The following CCDC27 variants were observed in gnomAD, a reference collection of about 807,000 sequenced individuals.
CCDC27 encodes the protein coiled-coil domain containing 27, also known as coiled-coil domain-containing protein 27.
Under a neutral mutation model 80.3 loss-of-function variants are expected in CCDC27, and 80 were observed. The ratio of observed to expected loss-of-function variants is 1.00; its 90% CI spans 0.83 to 1.20. The LOEUF (loss-of-function observed/expected upper bound fraction) is 1.20. Among genes scored for constraint, CCDC27 ranks in the 50% most tolerant of loss-of-function variants. The probability of loss-of-function intolerance (pLI) is 0.00; values close to 1 mark genes in which losing one functional copy is unlikely to be tolerated. For missense variants in CCDC27, 815 were observed against 809.4 expected, an observed-to-expected ratio of 1.01 and a Z score of -0.08; for synonymous variants, 342 against 334.3, an observed-to-expected ratio of 1.02 and a Z score of -0.25.
intron 9 of CCDC27, 114 bp from the exon 10 acceptor site, chr1:3,767,119 G>GT: frequency 2.3e-6 from 2 of 885,470 alleles, no homozygotes; most frequent in Non-Finnish European, 3.6e-6. Flanking sequence ...GATTACAGGC[G>GT]TGAGCCACTG....
intron 4 of CCDC27, among the ~76,000 whole-genome samples, chr1:3,758,714 G>C (rs1386588612): frequency 6.6e-6 from 1 of 152,140 alleles, no homozygotes; most frequent in African/African-American, 2.4e-5. Context: ...TCCCACCTCA[G>C]CCTCTCGAAT....
At position 3,756,785 on chromosome 1, in the gene CCDC27, G is replaced by T. The variant is rs1324498847; in HGVS notation, c.606G>T (p.Lys202Asn). The change falls in exon 4 of 12, where the codon AAG (lysine) becomes AAT (asparagine). Residue 202 changes from lysine (K) to asparagine (N), a missense_variant. Lys to Asn is a moderately conservative substitution (Grantham distance 94, BLOSUM62 0). Coordinates refer to ENST00000294600, the MANE Select transcript of CCDC27 (RefSeq NM_152492.3). ...KSICEFDYLR[K>N]RRKSQTLSPV... ...TCTGCGAGTTCGATTACTTGCGGAA[G>T]AGGAGAAAATCCCAGACTTTGAGTC... is the stretch of plus-strand genomic sequence containing the variant. 2 of 1,614,014 alleles carry T rather than the reference G, an allele frequency of 1.2e-6. No individual in the cohort carries two copies. Among genetic ancestry groups the T allele is most frequent in the African/African-American group, 2.7e-5 (2 of 74,936 alleles).
chr1:3,763,585 G>A lies in CCDC27; in HGVS notation c.1321+111G>A. ...GGTCAGTGAGCTGGAGCAGGGGCAG[G>A]TGTCGGCAGCCTCACCCAGGCTGGC... On this transcript the variant is annotated intron_variant, in intron 7 of 11. Coordinates refer to ENST00000294600, the MANE Select transcript of CCDC27 (RefSeq NM_152492.3). This position sits in a 1 kb window ranked among gnomAD's most constrained non-coding sequence, Gnocchi z 7.5. The A allele has an allele frequency of 6.4e-7, 1 of 1,557,046 alleles. No homozygotes were observed.
At position 3,760,902 on chromosome 1, in the gene CCDC27, G is replaced by A. The variant is rs1270032770; in HGVS notation, c.712-379G>A. 6.6e-6 allele frequency among the ~76,000 whole-genome samples: 1 copy of A among 152,200 alleles called. No homozygotes were observed. The highest frequency in any genetic ancestry group is 2.4e-5 in the African/African-American group (1 of 41,436). ...ACAGGCCCCTAGGGAAGCTTGGAGG[G>A]TGTTGCCGGTTAAGTGTCGGGGCTG... is the stretch of plus-strand genomic sequence containing the variant. On this transcript the variant is annotated intron_variant, in intron 4 of 11. Transcript: ENST00000294600. The surrounding 1 kb of genome is among the most constrained non-coding windows in gnomAD (Gnocchi z 4.3).
chr1:3,763,365 C>T lies in CCDC27; in HGVS notation c.1212C>T (p.Ala404=), dbSNP rs369754226. Reference sequence around the variant, plus strand: ...CCAGGAGAAGGGCCTCCTCCCTGGCCGAGTCGTTTGAGGAGGAGCTGCTGG... The same window carrying T: ...CCAGGAGAAGGGCCTCCTCCCTGGCTGAGTCGTTTGAGGAGGAGCTGCTGG... The part of the protein sequence containing the change: ...EIPRRRASSL[A]ESFEEELLAQ... Residue 404 remains alanine (A), a synonymous_variant, in exon 7 of 12, where the codon GCC becomes GCT. Coordinates refer to ENST00000294600, the MANE Select transcript of CCDC27 (RefSeq NM_152492.3). This position sits in a 1 kb window ranked among gnomAD's most constrained non-coding sequence, Gnocchi z 7.5. 193 of 1,612,790 alleles carry T rather than the reference C, an allele frequency of 1.2e-4. 3 individuals carry two copies. The highest frequency in any genetic ancestry group is 1.9e-4 in the Middle Eastern group (1 of 5,178).
chr1:3,769,433 T>A lies in CCDC27; in HGVS notation c.1744-350T>A, dbSNP rs1643307228. Among the ~76,000 whole-genome samples the A allele has an allele frequency of 1.3e-5, 2 of 152,158 alleles. No homozygotes were observed. The highest frequency in any genetic ancestry group is 4.8e-5 in the African/African-American group (2 of 41,418). On this transcript the variant is annotated intron_variant, in intron 10 of 11. Coordinates refer to ENST00000294600, the MANE Select transcript of CCDC27 (RefSeq NM_152492.3). This position sits in a 1 kb window ranked among gnomAD's most constrained non-coding sequence, Gnocchi z 4.6. ...AGCTCCCCTGGGCAGTGGAGGATGG[T>A]CCAGGGGTTACGTGCGGCTTCTGTA...
In CCDC27 at chr1:3,763,756, C is replaced by T. The variant is rs762081181; in HGVS notation, c.1372C>T (p.Arg458Ter). 101 of 1,613,988 alleles carry T rather than the reference C, an allele frequency of 6.3e-5. No individual in the cohort carries two copies. Among genetic ancestry groups the T allele is most frequent in the East Asian group, 1.6e-4 (7 of 44,886 alleles). ...AGTGGATTTCCAAGAAACCCAGCTG[C>T]GAAAGATCAATACGGAAAATGAGAC... ...QQVDFQETQLRKINTENETLQ... is the reference protein window; with the variant it reads ...QQVDFQETQL The change falls in exon 8 of 12, where the codon CGA becomes TGA. Residue 458 changes from arginine (R) to a stop codon, truncating the protein, a stop_gained. Coordinates refer to ENST00000294600, the MANE Select transcript of CCDC27 (RefSeq NM_152492.3). LOFTEE classifies it high-confidence loss of function. The surrounding 1 kb of genome is among the most constrained non-coding windows in gnomAD (Gnocchi z 7.5).
At chr1:3,762,925 C>A in intron 6 of CCDC27, 183 bp from the exon 7 acceptor site, 1 of 840,790 alleles carries the variant, frequency 1.2e-6, no homozygotes, top group Non-Finnish European at 1.8e-6. Context: ...GGACCCGTGA[C>A]AGAGGCCACA....
At chr1:3,757,206 T>C (rs1642979093) in intron 4 of CCDC27, 1 of 188,276 alleles carries the variant, frequency 5.3e-6, no homozygotes, top group South Asian at 1.4e-4. Flanking sequence ...ATAAAAATCA[T>C]AACAGGAATA....
rs1174664433 is a variant in CCDC27, at chr1:3,762,721, C to T, written c.954+9C>T. The T allele has an allele frequency of 7.1e-6, 11 of 1,547,460 alleles. No homozygotes were observed. Among genetic ancestry groups the T allele is most frequent in the Middle Eastern group, 2.3e-4 (1 of 4,396 alleles). The stretch of plus-strand genomic sequence containing the variant: ...TGCAGCACTGGTGGCAGGTGCGGGC[C>T]GCCTGGAGAGCAGGCACGCAGTGGG... On this transcript the variant is annotated intron_variant, in intron 6 of 11. Transcript: ENST00000294600.
chr1:3,754,072 C>T (rs770724512), intron 1 of CCDC27, 46 bp from the exon 2 acceptor site: 5 of 1,601,420 alleles, frequency 3.1e-6, no homozygotes, highest in South Asian at 2.2e-5. Context: ...GGCTGGCCTA[C>T]AGTCAGGGGC....
rs780263481 is a variant in CCDC27 at position 3,763,256 on chromosome 1, AGGG to A, written c.1104_1106del (p.Gly369del). 4.4e-6 allele frequency: 7 copies of A among 1,574,298 alleles called. No homozygotes were observed. The highest frequency in any genetic ancestry group is 3.4e-4 in the Middle Eastern group (2 of 5,868). On this transcript the variant is annotated inframe_deletion, in exon 7 of 12. Coordinates refer to ENST00000294600, the MANE Select transcript of CCDC27 (RefSeq NM_152492.3). The surrounding 1 kb of genome is among the most constrained non-coding windows in gnomAD (Gnocchi z 7.5). ...AGCCAGATGGGATCCGTGCATGAGG[AGGG>A]AAGCGAGGAGGAGGAAGAGGAGGAA...
In CCDC27 at chr1:3,763,664, C is replaced by A. The variant is rs199941944; in HGVS notation, c.1322-42C>A. ...GGCCCTCTCCTTCTGTCCCTCACTG[C>A]CCCTGCTTGCTCCTGCTCACCGCCT... On this transcript the variant is annotated intron_variant, in intron 7 of 11. Coordinates refer to ENST00000294600, the MANE Select transcript of CCDC27 (RefSeq NM_152492.3). The surrounding 1 kb of genome is among the most constrained non-coding windows in gnomAD (Gnocchi z 7.5). 5.2e-5 allele frequency: 83 copies of A among 1,611,352 alleles called. No homozygotes were observed. Among genetic ancestry groups the A allele is most frequent in the Non-Finnish European group, 1.7e-6 (2 of 1,177,830 alleles).
At position 3,760,091 on chromosome 1, in the gene CCDC27, C is replaced by T. The variant is rs568210266; in HGVS notation, c.712-1190C>T. Among the ~76,000 whole-genome samples the T allele has an allele frequency of 6.3e-4, 96 of 152,242 alleles. No homozygotes were observed. The highest frequency in any genetic ancestry group is 2.0e-3 in the African/African-American group (83 of 41,538). On this transcript the variant is annotated intron_variant, in intron 4 of 11. Transcript: ENST00000294600. This position sits in a 1 kb window ranked among gnomAD's most constrained non-coding sequence, Gnocchi z 4.3. The stretch of plus-strand genomic sequence containing the variant: ...GTTTGCAGCTGGCATTGTGTGAACT[C>T]GGCAGCTCTAACAGGAAATCGGATC...
At position 3,752,532 on chromosome 1, in the gene CCDC27, T is replaced by G; in HGVS notation, c.51T>G (p.Asp17Glu). ...CACCCCAAGCCAGGCTGAAGAGAGA[T>G]CCACGGGAAAAGCCGGGCCTGTCCT... ...PSTPQARLKR[D>E]PREKPGLSSF... The change falls in exon 1 of 12, where the codon GAT becomes GAG. Residue 17 changes from aspartate to glutamate, a missense_variant. By Grantham distance (45) the Asp-to-Glu change is conservative (BLOSUM62 2). Coordinates refer to ENST00000294600, the MANE Select transcript of CCDC27 (RefSeq NM_152492.3). The G allele has an allele frequency of 6.2e-7, 1 of 1,614,070 alleles. No individual in the cohort carries two copies. The highest frequency in any genetic ancestry group is 8.5e-7 in the Non-Finnish European group (1 of 1,180,032).
At chr1:3,756,154 A>C (rs1165200809) in intron 3 of CCDC27, 1 of 154,886 alleles carries the variant, frequency 6.5e-6, no homozygotes, top group African/African-American at 2.4e-5. Flanking sequence ...AGCCTGGCCA[A>C]GATGGTGAAA....
chr1:3,767,128 T>G, intron 9 of CCDC27, 105 bp from the exon 10 acceptor site: 1 of 1,036,150 alleles, frequency 9.7e-7, no homozygotes, highest in South Asian at 1.5e-5. Context: ...CGTGAGCCAC[T>G]GCACCTGGCC....
At position 3,760,872 on chromosome 1, in the gene CCDC27, C is replaced by A. The variant is rs527349062; in HGVS notation, c.712-409C>A. 6.6e-6 allele frequency among the ~76,000 whole-genome samples: 1 copy of A among 152,268 alleles called. No individual in the cohort carries two copies. The highest frequency in any genetic ancestry group is 2.4e-5 in the African/African-American group (1 of 41,538). ...TCTGAGAACAAAAGTTTGAGGAGCT[C>A]CCCGACAGGCCCCTAGGGAAGCTTG... is the stretch of plus-strand genomic sequence containing the variant. On this transcript the variant is annotated intron_variant, in intron 4 of 11. Transcript: ENST00000294600. This position sits in a 1 kb window ranked among gnomAD's most constrained non-coding sequence, Gnocchi z 4.3.
rs753857653 is a variant in CCDC27 at position 3,752,564 on chromosome 1, G to A, written c.83G>A (p.Arg28Lys). 2 of 1,614,162 alleles carry A rather than the reference G, an allele frequency of 1.2e-6. No homozygotes were observed. The highest frequency in any genetic ancestry group is 1.7e-6 in the Non-Finnish European group (2 of 1,180,044). Reference sequence around the variant, plus strand: ...GAAAAGCCGGGCCTGTCCTCATTCAGGTCCACATTCAGGCAACAAAGCTCA... The same window carrying A: ...GAAAAGCCGGGCCTGTCCTCATTCAAGTCCACATTCAGGCAACAAAGCTCA... ...PREKPGLSSF[R>K]STFRQQSSLG... The change falls in exon 1 of 12, where the codon AGG becomes AAG. Residue 28 changes from arginine to lysine, a missense_variant. Physicochemically the swap from Arg to Lys is conservative, Grantham distance 26 (BLOSUM62 2). Transcript: ENST00000294600.
Sources: allele counts gnomAD v4.1 joint callset (sites outside exome capture counted in the v4.1 genomes callset), GRCh38; gene constraint gnomAD v4.1.1; non-coding constraint Gnocchi (gnomAD v3.1); transcripts MANE v1.5; gene names NCBI Gene and HGNC (gene_info 2026-07-23, HGNC 2026-07-21).